Variants in HTR1F observed in about 807,000 individuals in gnomAD.
HTR1F encodes the protein 5-hydroxytryptamine receptor 1F, also known as 5-hydroxytryptamine (serotonin) receptor 1F, G protein-coupled.
In HTR1F, 17 loss-of-function variants were observed where a neutral mutation model predicts 24.0. That is an observed-to-expected ratio of 0.71 (90% CI 0.48 to 1.06). The LOEUF (loss-of-function observed/expected upper bound fraction) is 1.06. Among genes scored for constraint, HTR1F ranks in the 50% least tolerant of loss-of-function variants. The probability of loss-of-function intolerance (pLI) is 0.00; values close to 1 mark genes in which losing one functional copy is unlikely to be tolerated. For missense variants in HTR1F, 391 were observed against 427.8 expected (o/e 0.91, Z 0.76); for synonymous variants, 186 against 156.8 (o/e 1.19, Z -1.39).
At chr3:87,880,648 G>T (rs1261035454) in intron 2 of HTR1F, among the ~76,000 whole-genome samples, 1 of 98,782 alleles carries the variant, frequency 1.0e-5, no homozygotes, top group Non-Finnish European at 2.0e-5. Flanking sequence ...GTGTTTGTTT[G>T]TGTGTGTGTG....
At chr3:87,940,357 T>A (rs1403200652) in intron 2 of HTR1F, among the ~76,000 whole-genome samples, 1 of 152,088 alleles carries the variant, frequency 6.6e-6, no homozygotes, top group Non-Finnish European at 1.5e-5. Context: ...ACACAAATAA[T>A]AGACAAACAG....
chr3:87,832,566 A>G (rs1031629720), intron 2 of HTR1F, among the ~76,000 whole-genome samples: 6 of 152,122 alleles, frequency 3.9e-5, no homozygotes, highest in Non-Finnish European at 8.8e-5. Context: ...GAACTCAGGC[A>G]GTCCGCCCAC....
intron 2 of HTR1F, among the ~76,000 whole-genome samples, chr3:87,888,850 ATAT>A (rs1478936524): frequency 6.6e-6 from 1 of 152,206 alleles, no homozygotes; most frequent in Non-Finnish European, 1.5e-5. Flanking sequence ...CACTCAAAAA[ATAT>A]TAGCATCTGT....
chr3:87,955,681 AT>A (rs1704928109), intron 2 of HTR1F, among the ~76,000 whole-genome samples: 1 of 151,444 alleles, frequency 6.6e-6, no homozygotes, highest in African/African-American at 2.4e-5. Context: ...AAGATTCTGT[AT>A]GCTCCATATT....
chr3:87,951,429 A>G (rs1336264466), intron 2 of HTR1F, among the ~76,000 whole-genome samples: 1 of 152,142 alleles, frequency 6.6e-6, no homozygotes, highest in Non-Finnish European at 1.5e-5. Context: ...AGTTGACACC[A>G]TTCAATAAAT....
At chr3:87,825,537 C>T (rs532377230) in intron 2 of HTR1F, among the ~76,000 whole-genome samples, 1 of 152,102 alleles carries the variant, frequency 6.6e-6, no homozygotes, top group Non-Finnish European at 1.5e-5. Flanking sequence ...TCCTTAATGC[C>T]TGGCTCTCCT....
chr3:87,961,320 G>C (rs1705055692), intron 2 of HTR1F, among the ~76,000 whole-genome samples: 1 of 152,040 alleles, frequency 6.6e-6, no homozygotes, highest in Non-Finnish European at 1.5e-5. Context: ...CCTTGTCATT[G>C]GAAGAGACCC....
intron 1 of HTR1F, among the ~76,000 whole-genome samples, chr3:87,799,161 T>TA (rs970068010): frequency 7.2e-5 from 11 of 152,160 alleles, no homozygotes; most frequent in African/African-American, 2.7e-4. Context: ...GGCTTTCTTA[T>TA]AAAAAAATTT....
intron 2 of HTR1F, among the ~76,000 whole-genome samples, chr3:87,959,556 A>G (rs1705016424): frequency 6.6e-6 from 1 of 151,988 alleles, no homozygotes. Flanking sequence ...AAAATACTGT[A>G]GTTACATCAA....
At chr3:87,962,530 A>G (rs1705084327) in intron 2 of HTR1F, among the ~76,000 whole-genome samples, 1 of 152,072 alleles carries the variant, frequency 6.6e-6, no homozygotes, top group Non-Finnish European at 1.5e-5. Flanking sequence ...ACTATTTCTA[A>G]AAATAAAAAA....
intron 2 of HTR1F, among the ~76,000 whole-genome samples, chr3:87,945,661 G>T (rs996794458): frequency 2.0e-5 from 3 of 152,110 alleles, no homozygotes; most frequent in African/African-American, 7.2e-5. Context: ...AACCCAGAAG[G>T]GCTGGGGGTT....
chr3:87,816,614 T>G (rs1245619111), intron 1 of HTR1F, among the ~76,000 whole-genome samples: 2 of 152,094 alleles, frequency 1.3e-5, no homozygotes, highest in African/African-American at 4.8e-5. Context: ...TGCTATTTAA[T>G]TTACTGGGAT....
intron 2 of HTR1F, among the ~76,000 whole-genome samples, chr3:87,973,107 G>T (rs908535995): frequency 2.6e-5 from 4 of 152,074 alleles, no homozygotes; most frequent in African/African-American, 9.7e-5. Flanking sequence ...GGAGGCGGAG[G>T]TTGCAGTGAA....
chr3:87,873,910 A>G (rs1037463635), intron 2 of HTR1F, among the ~76,000 whole-genome samples: 3 of 152,188 alleles, frequency 2.0e-5, no homozygotes, highest in African/African-American at 7.2e-5. Context: ...GAAAATGTAC[A>G]TGACAAAATT....
At chr3:87,895,074 G>A (rs1706169746) in intron 2 of HTR1F, among the ~76,000 whole-genome samples, 1 of 152,112 alleles carries the variant, frequency 6.6e-6, no homozygotes, top group Non-Finnish European at 1.5e-5. Context: ...AAAACTGAAA[G>A]AGTATCTACT....
chr3:87,808,992 G>T (rs538476522), intron 1 of HTR1F, among the ~76,000 whole-genome samples: 9 of 151,780 alleles, frequency 5.9e-5, no homozygotes, highest in African/African-American at 2.2e-4. Flanking sequence ...AAAGTTCATT[G>T]AGACTTGTTT....
intron 2 of HTR1F, among the ~76,000 whole-genome samples, chr3:87,964,697 A>G (rs571164357): frequency 6.6e-6 from 1 of 152,300 alleles, no homozygotes; most frequent in South Asian, 2.1e-4. Context: ...GATGGGAGAG[A>G]CCACTAGGAT....
At chr3:87,818,724 T>C (rs1704297025) in intron 1 of HTR1F, among the ~76,000 whole-genome samples, 1 of 152,150 alleles carries the variant, frequency 6.6e-6, no homozygotes, top group African/African-American at 2.4e-5. Context: ...CAAACCCTTG[T>C]CCAATGGGAA....
chr3:87,944,470 T>C (rs1239216641), intron 2 of HTR1F, among the ~76,000 whole-genome samples: 1 of 152,224 alleles, frequency 6.6e-6, no homozygotes, highest in East Asian at 1.9e-4. Flanking sequence ...TGAATACCCA[T>C]TGTGGTTTTT....
Sources: allele counts gnomAD v4.1 joint callset (sites outside exome capture counted in the v4.1 genomes callset), GRCh38; gene constraint gnomAD v4.1.1; transcripts MANE v1.5; gene names NCBI Gene and HGNC (gene_info 2026-07-23, HGNC 2026-07-21).